The following TOX2 variants were observed in gnomAD, a reference collection of about 807,000 sequenced individuals.
TOX2 encodes granulosa cell HMG box 1.
TOX2 carries 15 observed loss-of-function variants against 47.4 expected under a neutral mutation model. The ratio of observed to expected loss-of-function variants is 0.32; its 90% confidence interval spans 0.21 to 0.49. TOX2 has a LOEUF of 0.49. Ranked by LOEUF, TOX2 falls within the 20% of genes least tolerant of loss-of-function variation. The pLI is 0.99. For missense variants in TOX2, 622 were observed against 673.1 expected (o/e 0.92, Z 0.84); for synonymous variants, 290 against 296.6 (o/e 0.98, Z 0.23).
chr20:43,946,658 G>A (rs191860428), intron 1 of TOX2, among the ~76,000 whole-genome samples: 2 of 152,256 alleles, frequency 1.3e-5, no homozygotes, highest in East Asian at 1.9e-4. Flanking sequence ...GCATACTTTC[G>A]TAGAAGAAAG....
chr20:44,006,903 G>A (rs1569088445), intron 3 of TOX2, 111 bp downstream of exon 3: 13 of 1,439,526 alleles, frequency 9.0e-6, no homozygotes, highest in Non-Finnish European at 1.2e-5. Flanking sequence ...CATGGGCAGG[G>A]TCTGGGTTTA....
chr20:44,032,656 G>A (rs1364793898), intron 3 of TOX2, among the ~76,000 whole-genome samples: 1 of 152,120 alleles, frequency 6.6e-6, no homozygotes, highest in East Asian at 1.9e-4. Flanking sequence ...GCTGGAGCTG[G>A]CTCTGAGCAG....
At position 44,065,944 on chromosome 20, in the gene TOX2, T is replaced by A. The variant is rs1467585497; in HGVS notation, c.1193T>A (p.Leu398His). The change falls in exon 7 of 9, where the codon CTC becomes CAC. Residue 398 changes from leucine (L) to histidine (H), a missense_variant. Transcript: ENST00000341197. ...ASPPPPPSFP[L>H]SPTLHQQLSL... ...CCGCCGCCGCCACCCTCCTTCCCGC[T>A]CAGCCCCACACTGCACCAGCAGCTG... The A allele has an allele frequency of 6.2e-7, 1 of 1,612,448 alleles. No individual in the cohort carries two copies. The highest frequency in any genetic ancestry group is 1.7e-5 in the Admixed American group (1 of 59,918).
intron 2 of TOX2, among the ~76,000 whole-genome samples, chr20:43,979,325 T>G (rs2070133320): frequency 6.6e-6 from 1 of 152,140 alleles, no homozygotes; most frequent in African/African-American, 2.4e-5. Flanking sequence ...TCTGAGATGT[T>G]GAGCTCCAAC....
chr20:43,957,131 C>T (rs6093902), intron 1 of TOX2, among the ~76,000 whole-genome samples: 27,467 of 152,216 alleles, frequency 0.18, 3,206 homozygotes, highest in Admixed American at 0.3. Context: ...TTATCCTGCT[C>T]CACAGATCTG....
intron 1 of TOX2, among the ~76,000 whole-genome samples, chr20:43,933,445 G>A (rs1040155934): frequency 5.9e-5 from 9 of 152,228 alleles, no homozygotes; most frequent in African/African-American, 2.2e-4. Flanking sequence ...GATTCAGTAG[G>A]TCTGGGGCGG....
intron 8 of TOX2, among the ~76,000 whole-genome samples, chr20:44,067,856 T>C (rs1333348343): frequency 6.6e-6 from 1 of 152,194 alleles, no homozygotes; most frequent in Non-Finnish European, 1.5e-5. Context: ...CTGGGGGACG[T>C]AGTGCCAAGC....
intron 3 of TOX2, among the ~76,000 whole-genome samples, chr20:44,049,736 T>C (rs2071475754): frequency 6.6e-6 from 1 of 152,012 alleles, no homozygotes; most frequent in South Asian, 2.1e-4. Flanking sequence ...AGTGAAAACA[T>C]GAGGTGTTTG....
intron 3 of TOX2, among the ~76,000 whole-genome samples, chr20:44,031,674 A>G (rs1026328621): frequency 2.6e-5 from 4 of 152,076 alleles, no homozygotes; most frequent in East Asian, 3.9e-4. Context: ...AGAAATGCCT[A>G]AGCTGCCCAT....
chr20:43,968,348 C>T (rs2145455021), intron 1 of TOX2, among the ~76,000 whole-genome samples: 1 of 152,358 alleles, frequency 6.6e-6, no homozygotes, highest in Non-Finnish European at 1.5e-5. Flanking sequence ...CCCAAGGTGG[C>T]ACAGATGGAC....
In TOX2 at chr20:44,068,790, G is replaced by A. The variant is rs751082180; in HGVS notation, c.*104G>A. On this transcript the variant is annotated 3_prime_UTR_variant, in exon 9 of 9. Transcript: ENST00000341197. ...CTGGCCAGAGGCAGGGTGGCCCATC[G>A]GAGAGAGCAGTGACACACCCATTGC... is the stretch of plus-strand genomic sequence containing the variant. 1.2e-5 allele frequency: 17 copies of A among 1,477,698 alleles called. No homozygotes were observed. Among genetic ancestry groups the A allele is most frequent in the African/African-American group, 4.2e-5 (3 of 71,484 alleles). 91.5% of individuals were successfully genotyped at this position (1,477,698 alleles called of 1,614,324 possible).
chr20:44,011,917 T>C (rs1244253473), intron 3 of TOX2, among the ~76,000 whole-genome samples: 1 of 152,234 alleles, frequency 6.6e-6, no homozygotes, highest in Non-Finnish European at 1.5e-5. Context: ...GCAGGAGTCA[T>C]GTACAGTATT....
chr20:43,976,782 G>GCACACACACACACACA (rs11086916), intron 2 of TOX2, among the ~76,000 whole-genome samples: 1 of 146,434 alleles, frequency 6.8e-6, no homozygotes, highest in Non-Finnish European at 1.5e-5. Context: ...GAGCGCGCGC[G>GCACACACACACACACA]CACACACACA....
At chr20:43,975,008 C>T (rs1011293207) in intron 2 of TOX2, among the ~76,000 whole-genome samples, 5 of 152,256 alleles carry the variant, frequency 3.3e-5, no homozygotes, top group Admixed American at 1.3e-4. Context: ...TGGAAGAGTA[C>T]ACTGATGTCA....
chr20:44,065,617 C>A, intron 6 of TOX2, 95 bp from the exon 7 acceptor site: 1 of 1,419,934 alleles, frequency 7.0e-7, no homozygotes, highest in Non-Finnish European at 9.6e-7. Flanking sequence ...AGCCAGCAGC[C>A]GTGTCAGTGG....
rs539948593 is a variant in TOX2 at position 43,939,261 on chromosome 20, C to T, written c.99+24271C>T. Among the ~76,000 whole-genome samples the T allele has an allele frequency of 2.6e-4, 40 of 152,266 alleles. 1 individual carries two copies. The South Asian group carries it at 7.7e-3, about 29-fold the overall frequency. On this transcript the variant is annotated intron_variant, in intron 1 of 8. Transcript: ENST00000341197. ...AGTAAGTTACTTAACCTCTCTATGC[C>T]TCAGTTTCCTCCTCTGTGAAATGGG...
rs539173501 is a variant in TOX2, at chr20:44,018,433, C to T, written c.411+11641C>T. 2.0e-5 allele frequency among the ~76,000 whole-genome samples: 3 copies of T among 152,312 alleles called. No individual in the cohort carries two copies. In the East Asian group the frequency reaches 5.8e-4, roughly 29 times the overall value. The stretch of plus-strand genomic sequence containing the variant: ...TCGCAGCGACATTCGTCAGCTGCAG[C>T]CTCGATATTACTGGGTGTAATGGCT... On this transcript the variant is annotated intron_variant, in intron 3 of 8. Transcript: ENST00000341197.
intron 1 of TOX2, among the ~76,000 whole-genome samples, chr20:43,954,779 G>A (rs1363971833): frequency 6.6e-6 from 1 of 152,214 alleles, no homozygotes; most frequent in East Asian, 1.9e-4. Context: ...CAGCCTCTGG[G>A]AGGATCCACG....
chr20:43,954,176 T>C (rs1449069520), intron 1 of TOX2, among the ~76,000 whole-genome samples: 1 of 152,154 alleles, frequency 6.6e-6, no homozygotes, highest in Admixed American at 6.5e-5. Flanking sequence ...CTGCCTGTTA[T>C]TCCCCCTGCA....
Sources: allele counts gnomAD v4.1 joint callset (sites outside exome capture counted in the v4.1 genomes callset), GRCh38; gene constraint gnomAD v4.1.1; transcripts MANE v1.5; gene names NCBI Gene and HGNC (gene_info 2026-07-23, HGNC 2026-07-21).